The following ST6GALNAC3 variants were observed in gnomAD, a reference collection of about 807,000 sequenced individuals.
ST6GALNAC3 encodes the protein ST6 N-acetylgalactosaminide alpha-2,6-sialyltransferase 3.
In ST6GALNAC3, 25 loss-of-function variants were observed where a neutral mutation model predicts 32.7. That is an observed-to-expected ratio of 0.76 (90% confidence interval 0.56 to 1.07). The LOEUF (loss-of-function observed/expected upper bound fraction) is 1.07, where lower values mean the gene tolerates loss of function less well. ST6GALNAC3 is among the 50% of genes least tolerant of loss of function. ST6GALNAC3 has a pLI of 0.00. For missense variants in ST6GALNAC3, 355 were observed against 382.4 expected (o/e 0.93, Z 0.60); for synonymous variants, 129 against 133.1 (o/e 0.97, Z 0.21).
chr1:76,388,060 C>T (rs1201934896), intron 2 of ST6GALNAC3, among the ~76,000 whole-genome samples: 1 of 152,018 alleles, frequency 6.6e-6, no homozygotes, highest in South Asian at 2.1e-4. Flanking sequence ...CTCTGCTTCT[C>T]TTCTGTGTCA....
intron 3 of ST6GALNAC3, among the ~76,000 whole-genome samples, chr1:76,536,233 C>A (rs1301022909): frequency 6.6e-6 from 1 of 152,052 alleles, no homozygotes; most frequent in Non-Finnish European, 1.5e-5. Context: ...TGTTTTAGAG[C>A]TCACAAACAC....
chr1:76,571,990 ATCTTCTAGC>A (rs1665889012), intron 3 of ST6GALNAC3, among the ~76,000 whole-genome samples: 1 of 152,082 alleles, frequency 6.6e-6, no homozygotes, highest in African/African-American at 2.4e-5. Context: ...ATCACTTTGT[ATCTTCTAGC>A]TTTCTCTGAT....
At chr1:76,220,887 T>C (rs1238783410) in intron 1 of ST6GALNAC3, among the ~76,000 whole-genome samples, 1 of 152,226 alleles carries the variant, frequency 6.6e-6, no homozygotes, top group Non-Finnish European at 1.5e-5. Context: ...CAAAACTGCC[T>C]GGTGAAAACC....
chr1:76,597,628 T>C (rs1299965820), intron 3 of ST6GALNAC3, among the ~76,000 whole-genome samples: 1 of 152,116 alleles, frequency 6.6e-6, no homozygotes, highest in African/African-American at 2.4e-5. Context: ...TGTTGCAAAG[T>C]CAATGATAGT....
At chr1:76,181,186 C>T (rs1435871958) in intron 1 of ST6GALNAC3, among the ~76,000 whole-genome samples, 3 of 152,214 alleles carry the variant, frequency 2.0e-5, no homozygotes, top group African/African-American at 4.8e-5. Context: ...ACCCCTGTTG[C>T]AGGTCCTGTG....
intron 1 of ST6GALNAC3, among the ~76,000 whole-genome samples, chr1:76,272,356 G>A (rs1658898672): frequency 6.7e-6 from 1 of 149,750 alleles, no homozygotes; most frequent in African/African-American, 2.5e-5. Context: ...TTAAAACACC[G>A]TTCAAGCCAA....
intron 1 of ST6GALNAC3, among the ~76,000 whole-genome samples, chr1:76,258,010 A>T (rs569820038): frequency 5.9e-5 from 9 of 152,192 alleles, no homozygotes; most frequent in African/African-American, 2.2e-4. Context: ...CCTTTGTCTC[A>T]TGTGCCCCTG....
rs1648043050 is a variant in ST6GALNAC3, at chr1:76,613,115, A to G, written c.624-14337A>G. Among the ~76,000 whole-genome samples the G allele has an allele frequency of 2.0e-5, 3 of 152,212 alleles. No homozygotes were observed. The South Asian group carries it at 6.2e-4, about 32-fold the overall frequency. On this transcript the variant is annotated intron_variant, in intron 3 of 4. Coordinates refer to ENST00000328299, the MANE Select transcript of ST6GALNAC3 (RefSeq NM_152996.4). ...GAGTCCCTTAGGTGTGTGCTTTATA[A>G]CTGCAGGATGGTACAAATGACACTC...
At chr1:76,143,375 T>C (rs1272775661) in intron 1 of ST6GALNAC3, among the ~76,000 whole-genome samples, 1 of 145,548 alleles carries the variant, frequency 6.9e-6, no homozygotes, top group African/African-American at 2.5e-5. Context: ...GGACCCACTT[T>C]GGACTTCTTA....
chr1:76,502,018 A>C (rs1661203488), intron 3 of ST6GALNAC3, among the ~76,000 whole-genome samples: 1 of 152,172 alleles, frequency 6.6e-6, no homozygotes, highest in Non-Finnish European at 1.5e-5. Flanking sequence ...CCACTTTCAA[A>C]GCCTTGAGAC....
intron 3 of ST6GALNAC3, among the ~76,000 whole-genome samples, chr1:76,513,314 A>G (rs906867908): frequency 3.3e-4 from 51 of 152,260 alleles, no homozygotes; most frequent in Non-Finnish European, 1.5e-4. Flanking sequence ...GCATGTGGTG[A>G]GAAGTAAGGG....
At chr1:76,476,892 G>T (rs61771551) in intron 3 of ST6GALNAC3, among the ~76,000 whole-genome samples, 1 of 152,116 alleles carries the variant, frequency 6.6e-6, no homozygotes, top group African/African-American at 2.4e-5. Context: ...TTTCCTATCA[G>T]TGTTGGGAGG....
rs564616276 is a variant in ST6GALNAC3, at chr1:76,471,435, G to A, written c.623+59018G>A. ...TTTCTACTTTGTATCAGTGTTCTTG[G>A]TGCTCTTGTCTTTTATTCCCAGTAA... On this transcript the variant is annotated intron_variant, in intron 3 of 4. Transcript: ENST00000328299. Among the ~76,000 whole-genome samples the A allele has an allele frequency of 5.3e-5, 8 of 152,110 alleles. No individual in the cohort carries two copies. The South Asian group carries it at 6.2e-4, about 12-fold the overall frequency.
At chr1:76,449,842 G>T (rs1448880316) in intron 3 of ST6GALNAC3, among the ~76,000 whole-genome samples, 2 of 151,988 alleles carry the variant, frequency 1.3e-5, no homozygotes, top group Non-Finnish European at 2.9e-5. Flanking sequence ...AATAGGTTTT[G>T]GGGGAACAGG....
At chr1:76,208,585 G>A (rs751985998) in intron 1 of ST6GALNAC3, among the ~76,000 whole-genome samples, 2 of 152,228 alleles carry the variant, frequency 1.3e-5, no homozygotes, top group South Asian at 2.1e-4. Flanking sequence ...TTCAGGGAAC[G>A]TTTTAGTGTC....
chr1:76,383,441 A>ATTTTTT (rs34140871), intron 2 of ST6GALNAC3, among the ~76,000 whole-genome samples: 1 of 134,350 alleles, frequency 7.4e-6, no homozygotes, highest in African/African-American at 2.8e-5. Flanking sequence ...TGGCTAATTA[A>ATTTTTT]TTTTTTTTTT....
chr1:76,602,482 A>T (rs1484319898), intron 3 of ST6GALNAC3, among the ~76,000 whole-genome samples: 1 of 151,694 alleles, frequency 6.6e-6, no homozygotes, highest in Non-Finnish European at 1.5e-5. Context: ...AAGCTTGAGA[A>T]CTCCCAAACC....
chr1:76,358,480 C>G (rs1649671159), intron 2 of ST6GALNAC3, among the ~76,000 whole-genome samples: 1 of 152,138 alleles, frequency 6.6e-6, no homozygotes, highest in African/African-American at 2.4e-5. Flanking sequence ...AATCCATTTC[C>G]AAGCCTCTAG....
intron 1 of ST6GALNAC3, among the ~76,000 whole-genome samples, chr1:76,262,104 A>G (rs1034994495): frequency 1.3e-5 from 2 of 152,216 alleles, no homozygotes; most frequent in Non-Finnish European, 2.9e-5. Context: ...AATAATGATG[A>G]TGTGATAATA....
Sources: allele counts gnomAD v4.1 joint callset (sites outside exome capture counted in the v4.1 genomes callset), GRCh38; gene constraint gnomAD v4.1.1; transcripts MANE v1.5; gene names NCBI Gene and HGNC (gene_info 2026-07-23, HGNC 2026-07-21).